RNF214: variants seen among roughly 807,000 people sequenced by gnomAD.
RNF214 encodes ring finger protein 214.
RNF214 carries 25 observed loss-of-function variants against 75.9 expected under a neutral mutation model. The ratio of observed to expected loss-of-function variants is 0.33; its 90% confidence interval spans 0.24 to 0.46. The LOEUF (loss-of-function observed/expected upper bound fraction) is 0.46, where lower values mean the gene tolerates loss of function less well. Among genes scored for constraint, RNF214 ranks in the 20% least tolerant of loss-of-function variants. The probability of loss-of-function intolerance (pLI) is 1.00; values close to 1 mark genes in which losing one functional copy is unlikely to be tolerated. For missense variants in RNF214, 725 were observed against 857.5 expected (o/e 0.85, Z 1.93); for synonymous variants, 314 against 308.8 (o/e 1.02, Z -0.18).
At chr11:117,251,499 C>G (rs574077866) in intron 6 of RNF214, among the ~76,000 whole-genome samples, 3 of 93,288 alleles carry the variant, frequency 3.2e-5, no homozygotes, top group African/African-American at 9.6e-5. Flanking sequence ...ACCTCCCTCC[C>G]GGACGGGGCG....
chr11:117,260,625 C>T (rs917366630), intron 6 of RNF214, among the ~76,000 whole-genome samples: 4 of 146,292 alleles, frequency 2.7e-5, no homozygotes, highest in African/African-American at 1.0e-4. Context: ...ACAGTGAGAC[C>T]TAGTCTCTAT....
Position 117,279,779 on chromosome 11 carries a change from G to C in RNF214, c.960-129G>C, listed in dbSNP as rs527732970. 8.3e-6 allele frequency: 5 copies of C among 604,928 alleles called. No individual in the cohort carries two copies. The African/African-American group carries it at 9.3e-5, about 11-fold the overall frequency. The allele number at this position is 604,928 out of a possible 1,614,324, so 37.5% of individuals were successfully genotyped here. A position where few individuals can be genotyped will look rare whatever the true frequency, so the allele number is the denominator to read the frequency against. ...TAAAGAAGAAAGAAAAATAAGTATA[G>C]TTAATACTTAGAGTAAGACTTCCTG... On this transcript the variant is annotated intron_variant, in intron 6 of 14. Transcript: ENST00000300650.
intron 14 of RNF214, among the ~76,000 whole-genome samples, chr11:117,284,035 C>G (rs2034189175): frequency 6.6e-6 from 1 of 152,220 alleles, no homozygotes; most frequent in Non-Finnish European, 1.5e-5. Context: ...GTTAGGATCT[C>G]TCAGCTTTTT....
At chr11:117,255,403 C>T (rs2134383041) in intron 6 of RNF214, among the ~76,000 whole-genome samples, 1 of 152,260 alleles carries the variant, frequency 6.6e-6, no homozygotes, top group Non-Finnish European at 1.5e-5. Context: ...TCCTAAATTC[C>T]CCTCTTAGCC....
chr11:117,251,398 T>C (rs2033384075), intron 6 of RNF214, among the ~76,000 whole-genome samples: 3 of 145,144 alleles, frequency 2.1e-5, no homozygotes, highest in Non-Finnish European at 4.6e-5. Flanking sequence ...CCCACCTCCC[T>C]CCCGGACGGG....
chr11:117,247,036 C>T (rs1050875695), intron 6 of RNF214, 88 bp downstream of exon 6: 26 of 1,105,164 alleles, frequency 2.4e-5, no homozygotes, highest in Non-Finnish European at 3.0e-5. Context: ...TCTTTCCCTT[C>T]GGTTTAATTT....
At chr11:117,235,596 T>G (rs905263057) in intron 2 of RNF214, among the ~76,000 whole-genome samples, 1 of 151,132 alleles carries the variant, frequency 6.6e-6, no homozygotes, top group African/African-American at 2.4e-5. Flanking sequence ...TCTCCTGGGT[T>G]CAAACGTCTC....
At chr11:117,247,030 T>C (rs2033242843) in intron 6 of RNF214, 82 bp downstream of exon 6, 3 of 1,139,440 alleles carry the variant, frequency 2.6e-6, no homozygotes, top group Non-Finnish European at 3.5e-6. Context: ...GTAGTTTCTT[T>C]CCCTTCGGTT....
intron 4 of RNF214, among the ~76,000 whole-genome samples, chr11:117,242,245 G>A (rs974907134): frequency 1.3e-5 from 2 of 151,976 alleles, no homozygotes. Flanking sequence ...AGGTCTTTAG[G>A]GTAAGATATG....
At chr11:117,233,160 G>T (rs894603052) in intron 1 of RNF214, among the ~76,000 whole-genome samples, 3 of 152,224 alleles carry the variant, frequency 2.0e-5, no homozygotes, top group Admixed American at 2.0e-4. Flanking sequence ...TCCTACCCGC[G>T]CCACGGGCTC....
rs546927378 is a variant in RNF214, at chr11:117,284,755, C to T, written c.2047-331C>T. Among the ~76,000 whole-genome samples, 6 of 152,022 alleles carry T rather than the reference C, an allele frequency of 3.9e-5. No individual in the cohort carries two copies. The South Asian group carries it at 1.2e-3, about 32-fold the overall frequency. ...GACCAGCCTGGCCAACAAAGTGAAA[C>T]CCCATCCCTACTAAAAATACAAAAA... is the stretch of plus-strand genomic sequence containing the variant. On this transcript the variant is annotated intron_variant, in intron 14 of 14. Coordinates refer to ENST00000300650, the MANE Select transcript of RNF214 (RefSeq NM_207343.4).
Position 117,283,192 on chromosome 11 carries a change from C to A in RNF214, c.2028C>A (p.Thr676=). Residue 676 remains threonine, a synonymous_variant, in exon 14 of 15, where the codon ACC becomes ACA. Coordinates refer to ENST00000300650, the MANE Select transcript of RNF214 (RefSeq NM_207343.4). ...GTGAGCTGCATCCAATGGCGTGTAC[C>A]CATGTATTGCACAAGGAGGTAGGTG... ...QPSELHPMAC[T]HVLHKECIKF... 1.2e-6 allele frequency: 2 copies of A among 1,612,834 alleles called. No homozygotes were observed. The highest frequency in any genetic ancestry group is 1.7e-6 in the Non-Finnish European group (2 of 1,178,892).
chr11:117,262,298 A>T (rs2033684345), intron 6 of RNF214, among the ~76,000 whole-genome samples: 1 of 152,004 alleles, frequency 6.6e-6, no homozygotes, highest in Non-Finnish European at 1.5e-5. Flanking sequence ...CATGTTGGCC[A>T]GGATGGTCTC....
chr11:117,264,309 C>G (rs148901744), intron 6 of RNF214, among the ~76,000 whole-genome samples: 1 of 151,696 alleles, frequency 6.6e-6, no homozygotes, highest in South Asian at 2.1e-4. Flanking sequence ...GGTGACAGAG[C>G]GAGACTCCAT....
chr11:117,256,926 A>G (rs1375485085), intron 6 of RNF214, among the ~76,000 whole-genome samples: 1 of 152,234 alleles, frequency 6.6e-6, no homozygotes, highest in Non-Finnish European at 1.5e-5. Context: ...AAAGTTACAC[A>G]AATAAGAGAT....
chr11:117,277,389 C>T (rs531439326), intron 6 of RNF214, among the ~76,000 whole-genome samples: 94 of 152,176 alleles, frequency 6.2e-4, no homozygotes, highest in African/African-American at 2.2e-3. Flanking sequence ...GGAAGCAATA[C>T]CTGGAGATTA....
intron 6 of RNF214, among the ~76,000 whole-genome samples, chr11:117,266,543 A>G (rs1193490577): frequency 6.6e-6 from 1 of 151,912 alleles, no homozygotes; most frequent in Non-Finnish European, 1.5e-5. Flanking sequence ...TATTTTGTTC[A>G]GAGACAGGGG....
At chr11:117,235,918 T>G (rs1289649753) in intron 2 of RNF214, among the ~76,000 whole-genome samples, 8 of 152,110 alleles carry the variant, frequency 5.3e-5, no homozygotes, top group Admixed American at 3.9e-4. Flanking sequence ...TCCATGAATG[T>G]GGACCACATT....
intron 2 of RNF214, among the ~76,000 whole-genome samples, chr11:117,236,493 C>T (rs534894163): frequency 5.9e-5 from 9 of 151,922 alleles, no homozygotes; most frequent in East Asian, 3.9e-4. Context: ...AGGATGGTCT[C>T]GATCTTCCGA....
Sources: allele counts gnomAD v4.1 joint callset (sites outside exome capture counted in the v4.1 genomes callset), GRCh38; gene constraint gnomAD v4.1.1; transcripts MANE v1.5; gene names NCBI Gene and HGNC (gene_info 2026-07-23, HGNC 2026-07-21).